Variants in EPB41 observed in about 807,000 individuals in gnomAD.
EPB41 encodes protein 4.1.
In EPB41, 65 loss-of-function variants were observed where a neutral mutation model predicts 108.0. The ratio of observed to expected loss-of-function variants is 0.60; its 90% CI spans 0.49 to 0.74. The LOEUF is 0.74. Ranked by LOEUF, EPB41 falls within the 30% of genes least tolerant of loss-of-function variation. The pLI, the probability that EPB41 is intolerant of heterozygous loss-of-function variation, is 0.00. For missense variants in EPB41, 875 were observed against 1,037.0 expected (o/e 0.84, Z 2.15); for synonymous variants, 336 against 358.9 (o/e 0.94, Z 0.72).
At chr1:28,991,495 G>A (rs1443009188) in intron 2 of EPB41, among the ~76,000 whole-genome samples, 4 of 151,638 alleles carry the variant, frequency 2.6e-5, no homozygotes, top group Admixed American at 1.3e-4. Context: ...CTAGAGCCCC[G>A]GAGTTCGAGA....
chr1:29,075,825 GAGTC>G (rs1181412449), intron 16 of EPB41, among the ~76,000 whole-genome samples: 1 of 152,120 alleles, frequency 6.6e-6, no homozygotes, highest in Non-Finnish European at 1.5e-5. Flanking sequence ...AGGATGCAAA[GAGTC>G]AGCATTATCA....
intron 11 of EPB41, among the ~76,000 whole-genome samples, chr1:29,050,911 G>A (rs1438882435): frequency 1.3e-5 from 2 of 151,868 alleles, no homozygotes; most frequent in African/African-American, 2.4e-5. Context: ...TCCTGACCTC[G>A]TGATCCACCC....
intron 7 of EPB41, among the ~76,000 whole-genome samples, chr1:29,023,553 A>T (rs2096674256): frequency 6.6e-6 from 1 of 151,522 alleles, no homozygotes; most frequent in Non-Finnish European, 1.5e-5. Flanking sequence ...CGGGCATGGT[A>T]GCACATGCCT....
At chr1:29,104,247 T>C (rs532135462) in intron 17 of EPB41, among the ~76,000 whole-genome samples, 1 of 152,362 alleles carries the variant, frequency 6.6e-6, no homozygotes, top group Admixed American at 6.5e-5. Context: ...ATTGTTATTA[T>C]TTATTTACTA....
intron 11 of EPB41, among the ~76,000 whole-genome samples, chr1:29,046,195 GC>G (rs1643162454): frequency 6.6e-6 from 1 of 151,508 alleles, no homozygotes. Flanking sequence ...CACTATCTCG[GC>G]TCACTGCAAC....
In EPB41 at chr1:28,914,747, G is replaced by A. The variant is rs2092461425; in HGVS notation, c.-29G>A. ...CGGGCTGCAGCAGTGGCGGGCGCAG[G>A]AGCCCGGCCCCGGAGCCACCGGTGA... On this transcript the variant is annotated 5_prime_UTR_variant, in exon 1 of 21. Coordinates refer to ENST00000343067, the MANE Select transcript of EPB41 (RefSeq NM_001376013.1). 6.5e-6 allele frequency: 1 copy of A among 153,044 alleles called. No homozygotes were observed. Among genetic ancestry groups the A allele is most frequent in the African/African-American group, 2.4e-5 (1 of 41,400 alleles). 9.5% of individuals were successfully genotyped at this position (153,044 alleles called of 1,614,324 possible).
chr1:28,946,689 T>G (rs1377616600), intron 1 of EPB41, among the ~76,000 whole-genome samples: 1 of 152,214 alleles, frequency 6.6e-6, no homozygotes, highest in African/African-American at 2.4e-5. Flanking sequence ...CTGCATTTTG[T>G]TTCATACCTA....
intron 17 of EPB41, among the ~76,000 whole-genome samples, chr1:29,106,016 C>T (rs371474197): frequency 2.6e-5 from 4 of 152,234 alleles, no homozygotes; most frequent in African/African-American, 9.6e-5. Context: ...TCCCACAGTG[C>T]TGGGATTTCA....
intron 7 of EPB41, among the ~76,000 whole-genome samples, chr1:29,020,718 T>C (rs1202990289): frequency 6.6e-6 from 1 of 152,058 alleles, no homozygotes; most frequent in African/African-American, 2.4e-5. Context: ...AGTGTAGTGG[T>C]GTGATCATAG....
rs139607577 is a variant in EPB41 at position 28,931,785 on chromosome 1, C to T, written c.-8+17017C>T. On this transcript the variant is annotated intron_variant, in intron 1 of 20. Transcript: ENST00000343067. ...TCCTGACCTCATGATCCACTCGCCT[C>T]GGCCTCCCAAAGTGCTAGGATTACA... is the stretch of plus-strand genomic sequence containing the variant. Among the ~76,000 whole-genome samples the T allele has an allele frequency of 5.1e-4, 77 of 152,130 alleles. 2 individuals are homozygous for T. The East Asian group carries it at 0.013, about 25-fold the overall frequency.
chr1:28,997,866 A>T (rs1399197410), intron 4 of EPB41, among the ~76,000 whole-genome samples: 1 of 152,234 alleles, frequency 6.6e-6, no homozygotes, highest in Non-Finnish European at 1.5e-5. Flanking sequence ...AGGAGGTAAA[A>T]GAATGGACTT....
At chr1:29,111,109 G>T (rs1348546338) in intron 18 of EPB41, among the ~76,000 whole-genome samples, 1 of 151,866 alleles carries the variant, frequency 6.6e-6, no homozygotes, top group Admixed American at 6.6e-5. Flanking sequence ...GGAGGTTGCA[G>T]TGAGCTAAGA....
rs751796237 is a variant in EPB41, at chr1:28,887,443, G to C, written c.-8+233G>C. On this transcript the variant is annotated intron_variant, in intron 1 of 16. Coordinates refer to the EPB41 transcript ENST00000347529. This position sits in a 1 kb window ranked among gnomAD's most constrained non-coding sequence, Gnocchi z 4.9. ...AGGGAGGGGCGTGGGAGTCTGGAGA[G>C]GGGGTCCGGGAGCTCGGATCCGGAG... The C allele has an allele frequency of 1.0e-6, 1 of 985,380 alleles. No individual in the cohort carries two copies. The highest frequency in any genetic ancestry group is 1.7e-5 in the African/African-American group (1 of 57,360). 61.0% of individuals were successfully genotyped at this position (985,380 alleles called of 1,614,324 possible). A position where few individuals can be genotyped will look rare whatever the true frequency, so the allele number is the denominator to read the frequency against.
Position 29,117,522 on chromosome 1 carries a change from ATGTT to A in EPB41, c.*713_*716del, listed in dbSNP as rs1671206968. The A allele has an allele frequency of 6.5e-6, 1 of 152,706 alleles. No homozygotes were observed. The highest frequency in any genetic ancestry group is 1.5e-5 in the Non-Finnish European group (1 of 68,036). 9.5% of individuals were successfully genotyped at this position (152,706 alleles called of 1,614,324 possible). On this transcript the variant is annotated 3_prime_UTR_variant, in exon 21 of 21. Transcript: ENST00000343067. ...TTGCTTCAGATATCTGATACTGTGA[ATGTT>A]TGAACATATCCGTGGCCTTCACCTC... is the stretch of plus-strand genomic sequence containing the variant.
At chr1:28,925,980 G>A (rs1351428821) in intron 1 of EPB41, among the ~76,000 whole-genome samples, 3 of 152,006 alleles carry the variant, frequency 2.0e-5, no homozygotes, top group Non-Finnish European at 4.4e-5. Flanking sequence ...TTGGGAGGCC[G>A]ATGTGGGAGG....
At chr1:29,017,048 G>A (rs533453407) in intron 6 of EPB41, among the ~76,000 whole-genome samples, 2 of 152,290 alleles carry the variant, frequency 1.3e-5, no homozygotes, top group African/African-American at 4.8e-5. Context: ...AAGTTGAGAT[G>A]CCGGATTTCT....
At chr1:28,991,908 G>A (rs2096030383) in intron 2 of EPB41, among the ~76,000 whole-genome samples, 1 of 152,182 alleles carries the variant, frequency 6.6e-6, no homozygotes, top group African/African-American at 2.4e-5. Flanking sequence ...TGAGGATTGA[G>A]TTAGTTCACA....
chr1:28,980,815 G>A (rs1253435651), intron 1 of EPB41, among the ~76,000 whole-genome samples: 1 of 46,210 alleles, frequency 2.2e-5, no homozygotes, highest in Non-Finnish European at 4.2e-5. Context: ...TTTTTTTTTT[G>A]AGATAGAGTC....
intron 14 of EPB41, among the ~76,000 whole-genome samples, chr1:29,059,523 C>G (rs943740158): frequency 6.6e-6 from 1 of 151,964 alleles, no homozygotes; most frequent in Non-Finnish European, 1.5e-5. Context: ...CACCTGTAAT[C>G]CCAGCACTTC....
Sources: allele counts gnomAD v4.1 joint callset (sites outside exome capture counted in the v4.1 genomes callset), GRCh38; gene constraint gnomAD v4.1.1; non-coding constraint Gnocchi (gnomAD v3.1); transcripts MANE v1.5; gene names NCBI Gene and HGNC (gene_info 2026-07-23, HGNC 2026-07-21).